The following PLCG2 variants were observed in gnomAD, a reference collection of about 807,000 sequenced individuals.
PLCG2 encodes 1-phosphatidylinositol 4,5-bisphosphate phosphodiesterase gamma-2.
PLCG2 carries 69 observed loss-of-function variants against 175.6 expected under a neutral mutation model. That is an observed-to-expected ratio of 0.39 (90% CI 0.32 to 0.48). The LOEUF (loss-of-function observed/expected upper bound fraction) is 0.48. Among genes scored for constraint, PLCG2 ranks in the 20% least tolerant of loss-of-function variants. The pLI, the probability that PLCG2 is intolerant of heterozygous loss-of-function variation, is 0.91. For missense variants in PLCG2, 1,798 were observed against 1,650.9 expected (o/e 1.09, Z -1.54); for synonymous variants, 827 against 624.0 (o/e 1.33, Z -4.85).
At chr16:81,954,971 T>G (rs113584400) in intron 31 of PLCG2, among the ~76,000 whole-genome samples, 3,517 of 152,308 alleles carry the variant, frequency 0.023, 139 homozygotes, top group African/African-American at 0.08. Flanking sequence ...GTAAAAGTGT[T>G]CCTATTTCTC....
At chr16:81,945,478 G>T (rs955964390) in intron 30 of PLCG2, among the ~76,000 whole-genome samples, 1 of 152,234 alleles carries the variant, frequency 6.6e-6, no homozygotes, top group African/African-American at 2.4e-5. Flanking sequence ...AGGAGGATTG[G>T]GTGGGAGTGA....
chr16:81,896,146 C>A (rs1475949521), intron 13 of PLCG2, among the ~76,000 whole-genome samples: 1 of 152,256 alleles, frequency 6.6e-6, no homozygotes, highest in South Asian at 2.1e-4. Flanking sequence ...TCTAGAGCCC[C>A]GAGGAGGCTC....
Position 81,946,182 on chromosome 16 carries a change from G to A in PLCG2, c.3489G>A (p.Arg1163=). 4 of 1,613,366 alleles carry A rather than the reference G, an allele frequency of 2.5e-6. No individual in the cohort carries two copies. Among genetic ancestry groups the A allele is most frequent in the South Asian group, 1.1e-5 (1 of 91,056 alleles). ...YPIKAVKSGF[R]SVPLKNGYSE... is the part of the protein sequence containing the mutation. ...CTCCTTGTTCTGCTTCAGGATTCAG[G>A]TCCGTTCCTCTGAAGAATGGGTACA... The change falls in exon 31 of 33, where the codon AGG becomes AGA. Residue 1163 remains arginine (R), a synonymous_variant. Transcript: ENST00000564138.
intron 1 of PLCG2, among the ~76,000 whole-genome samples, chr16:81,750,196 C>T (rs552339539): frequency 1.6e-4 from 24 of 152,194 alleles, no homozygotes; most frequent in Admixed American, 1.2e-3. Context: ...TCACCTCAGG[C>T]CAGGAGTTCA....
At chr16:81,848,515 C>T (rs562784323) in intron 2 of PLCG2, among the ~76,000 whole-genome samples, 2 of 152,262 alleles carry the variant, frequency 1.3e-5, no homozygotes, top group South Asian at 2.1e-4. Context: ...GCATTTCTCT[C>T]CCTCCTTGTC....
At chr16:81,934,599 T>C in intron 26 of PLCG2, 68 bp downstream of exon 26, 2 of 933,716 alleles carry the variant, frequency 2.1e-6, no homozygotes, top group Non-Finnish European at 1.7e-6. Context: ...GAGTCTGATA[T>C]TTTCAGAGGG....
chr16:81,941,420 T>C (rs74029308), intron 30 of PLCG2, among the ~76,000 whole-genome samples: 1 of 152,164 alleles, frequency 6.6e-6, no homozygotes, highest in African/African-American at 2.4e-5. Flanking sequence ...TCTGCATCTT[T>C]AGGCAGCTCC....
upstream of PLCG2, among the ~76,000 whole-genome samples, chr16:81,777,060 T>C (rs1910427010): frequency 6.6e-6 from 1 of 152,214 alleles, no homozygotes; most frequent in Admixed American, 6.5e-5. Flanking sequence ...ACGATGACCA[T>C]TATCTCACAC....
rs149486770 is a variant in PLCG2, at chr16:81,749,278, A to C, written c.-144-6592A>C. On this transcript the variant is annotated intron_variant, in intron 1 of 5. Transcript: ENST00000565054. ...ATCCCTGAAGATGTAGATTTTAAAA[A>C]ATCACTTGATTGATTTTTGTCAAAT... Among the ~76,000 whole-genome samples, 158 of 152,342 alleles carry C rather than the reference A, an allele frequency of 1.0e-3. 1 individual carries two copies. The highest frequency in any genetic ancestry group is 3.7e-3 in the African/African-American group (153 of 41,592).
intron 13 of PLCG2, among the ~76,000 whole-genome samples, chr16:81,896,512 A>G (rs1908897887): frequency 6.6e-6 from 1 of 151,970 alleles, no homozygotes; most frequent in South Asian, 2.1e-4. Flanking sequence ...TGGCAGGCAG[A>G]GGTTACAGTG....
intron 31 of PLCG2, among the ~76,000 whole-genome samples, chr16:81,956,320 G>T (rs952253551): frequency 6.6e-6 from 1 of 152,028 alleles, no homozygotes; most frequent in African/African-American, 2.4e-5. Context: ...TCCTCTGCTG[G>T]GTTCCACTTT....
At chr16:81,799,012 T>TC (rs1312875713) in intron 2 of PLCG2, 1 of 152,322 alleles carries the variant, frequency 6.6e-6, no homozygotes. Flanking sequence ...AGGGCCCGTG[T>TC]CCCTGGGGAG....
chr16:81,899,866 G>A (rs1226275213), intron 13 of PLCG2, among the ~76,000 whole-genome samples: 1 of 152,166 alleles, frequency 6.6e-6, no homozygotes, highest in African/African-American at 2.4e-5. Context: ...ATAAAACAAC[G>A]TCAGATATTG....
intron 2 of PLCG2, among the ~76,000 whole-genome samples, chr16:81,764,996 G>A (rs1910115641): frequency 6.6e-6 from 1 of 152,132 alleles, no homozygotes; most frequent in Non-Finnish European, 1.5e-5. Flanking sequence ...GGCTGAGGTG[G>A]GAGCATTGGT....
chr16:81,742,481 T>C (rs1233639552), intron 1 of PLCG2, among the ~76,000 whole-genome samples: 6 of 152,098 alleles, frequency 3.9e-5, no homozygotes, highest in Admixed American at 6.5e-5. Context: ...CCAGCCCCCA[T>C]GCAGGGTGAA....
rs753644315 is a variant in PLCG2 at position 81,895,862 on chromosome 16, G to T, written c.1128G>T (p.Arg376=). 1 of 1,614,172 alleles carries T rather than the reference G, an allele frequency of 6.2e-7. No homozygotes were observed. Among genetic ancestry groups the T allele is most frequent in the Non-Finnish European group, 8.5e-7 (1 of 1,180,014 alleles). Residue 376 remains arginine (R), a synonymous_variant, in exon 13 of 33, where the codon CGG becomes CGT. Coordinates refer to ENST00000564138, the MANE Select transcript of PLCG2 (RefSeq NM_002661.5). ...GKPVIYHGWT[R]TTKIKFDDVV... is the part of the protein sequence containing the mutation. Reference sequence around the variant, plus strand: ...CGGTCATCTACCATGGCTGGACGCGGACTACCAAGATCAAGTTTGACGACG... The same window carrying T: ...CGGTCATCTACCATGGCTGGACGCGTACTACCAAGATCAAGTTTGACGACG...
intron 2 of PLCG2, chr16:81,767,686 G>A (rs1448901749): frequency 6.6e-6 from 1 of 151,934 alleles, no homozygotes; most frequent in African/African-American, 2.4e-5. Context: ...ATGTAAAGTT[G>A]TAATCTCCAA....
intron 2 of PLCG2, among the ~76,000 whole-genome samples, chr16:81,796,481 C>T (rs1911474132): frequency 6.6e-6 from 1 of 152,238 alleles, no homozygotes; most frequent in Non-Finnish European, 1.5e-5. Flanking sequence ...TGTAAGAGGA[C>T]ATCGTCTGGC....
At chr16:81,827,078 A>G (rs1905077393) in intron 2 of PLCG2, among the ~76,000 whole-genome samples, 1 of 152,114 alleles carries the variant, frequency 6.6e-6, no homozygotes, top group South Asian at 2.1e-4. Flanking sequence ...GCTGTGGCCT[A>G]GGGCTGCATG....
Sources: gnomAD v4.1 joint callset for allele counts (sites outside exome capture counted in the v4.1 genomes callset) on GRCh38, gnomAD v4.1.1 for gene constraint, MANE v1.5 for transcripts, NCBI Gene and HGNC (gene_info 2026-07-23, HGNC 2026-07-21) for gene names.